SLC6A16: variants seen among roughly 807,000 people sequenced by gnomAD.
SLC6A16 encodes the protein orphan sodium- and chloride-dependent neurotransmitter transporter NTT5.
A neutral mutation model predicts 65.4 loss-of-function variants in SLC6A16; 54 were observed. The ratio of observed to expected loss-of-function variants is 0.83; its 90% CI spans 0.66 to 1.04. SLC6A16 has a LOEUF of 1.04. Among genes scored for constraint, SLC6A16 ranks in the 50% least tolerant of loss-of-function variants. The pLI, the probability that SLC6A16 is intolerant of heterozygous loss-of-function variation, is 0.00. For synonymous variants in SLC6A16, 330 were observed against 346.5 expected (o/e 0.95, Z 0.53); for missense variants, 816 against 914.0 (o/e 0.89, Z 1.38).
intron 7 of SLC6A16, among the ~76,000 whole-genome samples, chr19:49,303,652 CAAAAAA>C (rs59791436): frequency 1.1e-5 from 1 of 87,896 alleles, no homozygotes; most frequent in South Asian, 4.1e-4. Context: ...GAGACTGTCT[CAAAAAA>C]AAAAAAAGAA....
the SLC6A16 span, among the ~76,000 whole-genome samples, chr19:49,333,383 G>A: frequency 6.6e-6 from 1 of 152,298 alleles, no homozygotes; most frequent in African/African-American, 2.4e-5. Flanking sequence ...TGAGGCAGGA[G>A]AATCGCTTGA....
At chr19:49,317,840 T>A (rs1970641452) in intron 1 of SLC6A16, among the ~76,000 whole-genome samples, 1 of 151,940 alleles carries the variant, frequency 6.6e-6, no homozygotes, top group East Asian at 1.9e-4. Flanking sequence ...TTAAAACAAC[T>A]ATTTTCACAT....
At chr19:49,337,511 A>G in the SLC6A16 span, 1 of 703,168 alleles carries the variant, frequency 1.4e-6, no homozygotes, top group Admixed American at 3.1e-5. Context: ...GGTCCCAGCT[A>G]CTTGGGAGGT....
intron 1 of SLC6A16, 30 bp downstream of exon 1, chr19:49,325,018 T>G (rs1424756054): frequency 2.0e-6 from 2 of 984,734 alleles, no homozygotes; most frequent in Admixed American, 1.2e-4. Context: ...TGTGGGAACA[T>G]TTTAGGGCTC....
the SLC6A16 span, among the ~76,000 whole-genome samples, chr19:49,338,510 C>T: frequency 6.6e-6 from 1 of 152,048 alleles, no homozygotes; most frequent in Non-Finnish European, 1.5e-5. The surrounding 1 kb of genome is among the most constrained non-coding windows in gnomAD (Gnocchi z 5.0). Flanking sequence ...ACTCGTCTTT[C>T]CCAGCCCCAT....
chr19:49,338,558 C>T, the SLC6A16 span: 3 of 674,078 alleles, frequency 4.5e-6, no homozygotes, highest in Non-Finnish European at 8.0e-6. The surrounding 1 kb of genome is among the most constrained non-coding windows in gnomAD (Gnocchi z 5.0). Context: ...CCCATCGTGA[C>T]CCCAGCCCAC....
chr19:49,336,949 G>A, the SLC6A16 span: 7 of 1,614,040 alleles, frequency 4.3e-6, no homozygotes, highest in East Asian at 1.1e-4. Context: ...CCAAAGTCCT[G>A]GCCATCTCAG....
the SLC6A16 span, chr19:49,335,740 CG>C: frequency 6.2e-7 from 1 of 1,613,420 alleles, no homozygotes; most frequent in Non-Finnish European, 8.5e-7. This position sits in a 1 kb window ranked among gnomAD's most constrained non-coding sequence, Gnocchi z 4.6. Context: ...TCTTCTGCTT[CG>C]GCATCTGGAT....
At chr19:49,305,944 T>C (rs1164203282) in intron 7 of SLC6A16, 2 of 152,112 alleles carry the variant, frequency 1.3e-5, no homozygotes, top group Non-Finnish European at 2.9e-5. Flanking sequence ...TTATCAATAG[T>C]TGAATGGATT....
At position 49,294,031 on chromosome 19, in the gene SLC6A16, G is replaced by A. The variant is rs1163315493; in HGVS notation, c.1417-3C>T. On this transcript the variant is annotated splice_region_variant and splice_polypyrimidine_tract_variant and intron_variant, in intron 8 of 11. Transcript: ENST00000335875. ...GCAAACTTTGGGCCCTCGCTAGCCT[G>A]CAAAGAGAACAAAGAGGTGTTAAAG... 1.2e-6 allele frequency: 2 copies of A among 1,608,718 alleles called. No homozygotes were observed. Among genetic ancestry groups the A allele is most frequent in the Non-Finnish European group, 1.7e-6 (2 of 1,179,296 alleles).
the SLC6A16 span, chr19:49,331,609 T>C: frequency 2.7e-6 from 1 of 367,054 alleles, no homozygotes; most frequent in Non-Finnish European, 5.5e-6. Flanking sequence ...CAACAGGTTG[T>C]TACTTACATA....
chr19:49,306,126 G>C (rs954262422), intron 7 of SLC6A16: 1 of 152,080 alleles, frequency 6.6e-6, no homozygotes, highest in East Asian at 1.9e-4. Context: ...GTGAAACCCT[G>C]TCTCTGCTAA....
intron 9 of SLC6A16, among the ~76,000 whole-genome samples, chr19:49,293,592 C>T (rs915849625): frequency 6.6e-6 from 1 of 152,080 alleles, no homozygotes; most frequent in East Asian, 1.9e-4. Context: ...GGTGAAAGCC[C>T]GTCTCTACAA....
At chr19:49,331,800 A>T in the SLC6A16 span, 1 of 457,316 alleles carries the variant, frequency 2.2e-6, no homozygotes, top group Non-Finnish European at 4.4e-6. Context: ...CTTCACTGCA[A>T]GGAGACCTGG....
intron 1 of SLC6A16, among the ~76,000 whole-genome samples, chr19:49,321,238 A>G (rs984262636): frequency 7.2e-5 from 11 of 152,158 alleles, no homozygotes; most frequent in African/African-American, 1.4e-4. Flanking sequence ...AATATACCAC[A>G]TTAACAAAAT....
At chr19:49,331,521 G>A in the SLC6A16 span, 1 of 349,190 alleles carries the variant, frequency 2.9e-6, no homozygotes, top group East Asian at 7.4e-5. Flanking sequence ...TGCAGTAACA[G>A]GTATTCTATT....
chr19:49,325,383 C>A (rs1305820890), upstream of SLC6A16, among the ~76,000 whole-genome samples: 1 of 152,256 alleles, frequency 6.6e-6, no homozygotes, highest in African/African-American at 2.4e-5. Flanking sequence ...GCACCCCACC[C>A]CGACACCCAC....
chr19:49,337,515 G>T, the SLC6A16 span: 3 of 725,698 alleles, frequency 4.1e-6, no homozygotes, highest in Non-Finnish European at 6.3e-6. Context: ...CCAGCTACTT[G>T]GGAGGTCGAG....
intron 1 of SLC6A16, among the ~76,000 whole-genome samples, chr19:49,318,640 G>C (rs1471891887): frequency 6.6e-6 from 1 of 152,108 alleles, no homozygotes; most frequent in Non-Finnish European, 1.5e-5. Context: ...TGCTTAATAT[G>C]GTCAAGGACT....
Sources: gnomAD v4.1 joint callset for allele counts (sites outside exome capture counted in the v4.1 genomes callset) on GRCh38, gnomAD v4.1.1 for gene constraint, Gnocchi (gnomAD v3.1) non-coding constraint, MANE v1.5 for transcripts, NCBI Gene and HGNC (gene_info 2026-07-23, HGNC 2026-07-21) for gene names.